Variants in ADGRL2 observed in about 807,000 individuals in gnomAD.
ADGRL2 encodes the protein adhesion G protein-coupled receptor L2, also known as calcium-independent alpha-latrotoxin receptor 2.
ADGRL2 carries 44 observed loss-of-function variants against 157.4 expected under a neutral mutation model. The ratio of observed to expected loss-of-function variants is 0.28; its 90% CI spans 0.22 to 0.36. The LOEUF is 0.36. Among genes scored for constraint, ADGRL2 ranks in the 10% least tolerant of loss-of-function variants. ADGRL2 has a pLI of 1.00. For missense variants in ADGRL2, 1,510 were observed against 1,768.9 expected (o/e 0.85, Z 2.63); for synonymous variants, 585 against 624.7 (o/e 0.94, Z 0.95).
chr1:81,448,202 T>C (rs535554774), intron 2 of ADGRL2, among the ~76,000 whole-genome samples: 1 of 140,600 alleles, frequency 7.1e-6, no homozygotes, highest in African/African-American at 2.7e-5. Context: ...TGGCATACAG[T>C]GGCTTAATCT....
At chr1:81,487,044 C>A (rs1252372475) in intron 2 of ADGRL2, among the ~76,000 whole-genome samples, 1 of 134,448 alleles carries the variant, frequency 7.4e-6, no homozygotes, top group African/African-American at 2.8e-5. Flanking sequence ...TCACTTGAGC[C>A]AGGAATTGGA....
chr1:81,440,310 C>G (rs1392084974), intron 1 of ADGRL2, among the ~76,000 whole-genome samples: 1 of 152,196 alleles, frequency 6.6e-6, no homozygotes, highest in African/African-American at 2.4e-5. Flanking sequence ...TTGGCTGCTT[C>G]CTGTAGCTAT....
chr1:81,699,633 A>G (rs1267218279), upstream of ADGRL2: 1 of 152,194 alleles, frequency 6.6e-6, no homozygotes, highest in African/African-American at 2.4e-5. Flanking sequence ...TGCTTAGGAA[A>G]TTCCTGACGA....
chr1:81,411,411 C>T (rs1420212071), intron 1 of ADGRL2, among the ~76,000 whole-genome samples: 1 of 152,134 alleles, frequency 6.6e-6, no homozygotes, highest in Non-Finnish European at 1.5e-5. Flanking sequence ...CCCATTTAAT[C>T]CTTCCAGCAG....
chr1:81,708,302 A>G (rs2083808317), intron 1 of ADGRL2, among the ~76,000 whole-genome samples: 1 of 152,190 alleles, frequency 6.6e-6, no homozygotes, highest in South Asian at 2.1e-4. Flanking sequence ...TGCAAACATA[A>G]CTTGGCTAGC....
At chr1:81,502,946 G>A (rs2078887048) in intron 2 of ADGRL2, 2 of 1,612,716 alleles carry the variant, frequency 1.2e-6, no homozygotes, top group Middle Eastern at 1.7e-4. Flanking sequence ...ACCACTCTCA[G>A]GAAAGGTGAT....
chr1:81,989,545 G>A, intron 23 of ADGRL2: 1 of 712,270 alleles, frequency 1.4e-6, no homozygotes, highest in South Asian at 1.9e-5. Flanking sequence ...ATAAAAGGCT[G>A]CTATTGCTGG....
intron 1 of ADGRL2, among the ~76,000 whole-genome samples, chr1:81,336,829 C>G (rs557013843): frequency 1.1e-4 from 16 of 152,262 alleles, no homozygotes; most frequent in African/African-American, 3.6e-4. Flanking sequence ...TCCCCGTTTT[C>G]CCACTCGAAT....
At chr1:81,901,938 G>A (rs763308542) in intron 2 of ADGRL2, among the ~76,000 whole-genome samples, 1 of 152,086 alleles carries the variant, frequency 6.6e-6, no homozygotes, top group Non-Finnish European at 1.5e-5. Context: ...GGACATGCCC[G>A]TGCCACAGCC....
chr1:81,338,450 G>T (rs1323104790), intron 1 of ADGRL2, among the ~76,000 whole-genome samples: 1 of 151,966 alleles, frequency 6.6e-6, no homozygotes, highest in Non-Finnish European at 1.5e-5. Flanking sequence ...ATCTAGTCTG[G>T]CTCAGGCACT....
At chr1:81,698,538 T>A (rs977228943), upstream of ADGRL2, among the ~76,000 whole-genome samples, 5 of 152,158 alleles carry the variant, frequency 3.3e-5, no homozygotes, top group African/African-American at 1.2e-4. Context: ...TTGTAAGAAA[T>A]TTTTGCTTGG....
intron 2 of ADGRL2, among the ~76,000 whole-genome samples, chr1:81,456,568 G>A (rs1479291789): frequency 6.6e-6 from 1 of 151,850 alleles, no homozygotes; most frequent in Non-Finnish European, 1.5e-5. Flanking sequence ...TATTTATGTT[G>A]TATAATTATG....
intron 2 of ADGRL2, among the ~76,000 whole-genome samples, chr1:81,790,479 CAATT>C (rs758054454): frequency 1.3e-5 from 2 of 152,066 alleles, no homozygotes; most frequent in Non-Finnish European, 1.5e-5. Context: ...AAAAATATTT[CAATT>C]AATTGACAAA....
intron 1 of ADGRL2, among the ~76,000 whole-genome samples, chr1:81,379,274 G>A (rs2076303705): frequency 6.6e-6 from 1 of 152,182 alleles, no homozygotes; most frequent in South Asian, 2.1e-4. Context: ...AGACGGGCAG[G>A]CTGTGGGGCT....
At chr1:81,752,527 G>A (rs1440540556) in intron 1 of ADGRL2, among the ~76,000 whole-genome samples, 1 of 152,120 alleles carries the variant, frequency 6.6e-6, no homozygotes, top group East Asian at 1.9e-4. Flanking sequence ...TTATAGTAAT[G>A]GTTTTCTGTT....
At chr1:81,661,328 T>A (rs180939556) in intron 3 of ADGRL2, among the ~76,000 whole-genome samples, 154 of 152,338 alleles carry the variant, frequency 1.0e-3, no homozygotes, top group African/African-American at 3.6e-3. Context: ...TCCAGATTCC[T>A]TGATTCAAAC....
intron 7 of ADGRL2, 49 bp downstream of exon 7, chr1:81,950,531 G>A: frequency 6.6e-7 from 1 of 1,511,376 alleles, no homozygotes; most frequent in Non-Finnish European, 9.0e-7. Context: ...TAGTAAGTAG[G>A]TTCTGTATTA....
chr1:81,336,493 T>G (rs1661650904), intron 1 of ADGRL2, among the ~76,000 whole-genome samples: 2 of 152,148 alleles, frequency 1.3e-5, no homozygotes, highest in Admixed American at 6.5e-5. Context: ...GTTAGGACTG[T>G]TTCTTAATTG....
upstream of ADGRL2, among the ~76,000 whole-genome samples, chr1:81,796,940 C>A (rs190611769): frequency 8.5e-5 from 13 of 152,244 alleles, no homozygotes; most frequent in African/African-American, 2.4e-4. Context: ...CTGGCTTTGC[C>A]AAATGCTTTC....
Sources: allele counts gnomAD v4.1 joint callset (sites outside exome capture counted in the v4.1 genomes callset), GRCh38; gene constraint gnomAD v4.1.1; transcripts MANE v1.5; gene names NCBI Gene and HGNC (gene_info 2026-07-23, HGNC 2026-07-21).